Variants in GPD1 observed in about 807,000 individuals in gnomAD.
GPD1 encodes the protein glycerol-3-phosphate dehydrogenase [NAD(+)], cytoplasmic.
Under a neutral mutation model 34.4 loss-of-function variants are expected in GPD1, and 19 were observed. That is an observed-to-expected ratio of 0.55 (90% CI 0.39 to 0.81). The LOEUF (loss-of-function observed/expected upper bound fraction) is 0.81, where lower values mean the gene tolerates loss of function less well. Ranked by LOEUF, GPD1 falls within the 30% of genes least tolerant of loss-of-function variation. GPD1 has a pLI of 0.00. For missense variants in GPD1, 429 were observed against 447.0 expected (o/e 0.96, Z 0.36); for synonymous variants, 172 against 174.1 (o/e 0.99, Z 0.09).
In GPD1 at chr12:50,105,565, G is replaced by C; in HGVS notation, c.237G>C (p.Val79=). ...CCCCACAGGTGGCTGTCCCAGATGT[G>C]GTCCAGGCTGCAGAGGATGCTGACA... is the stretch of plus-strand genomic sequence containing the variant. ...LPPNVVAVPD[V]VQAAEDADIL... The change falls in exon 3 of 8, where the codon GTG becomes GTC. Residue 79 remains valine (V), a synonymous_variant. Transcript: ENST00000301149. The C allele has an allele frequency of 1.2e-6, 2 of 1,613,628 alleles. No individual in the cohort carries two copies. The highest frequency in any genetic ancestry group is 1.7e-6 in the Non-Finnish European group (2 of 1,179,696).
At chr12:50,106,492 A>G (rs1950979841) in intron 4 of GPD1, 66 bp downstream of exon 4, 4 of 1,408,050 alleles carry the variant, frequency 2.8e-6, no homozygotes, top group Middle Eastern at 1.8e-4. Context: ...AACTGCCCCA[A>G]CCCCACTTAG....
At position 50,108,046 on chromosome 12, in the gene GPD1, A is replaced by C. The variant is rs142879338; in HGVS notation, c.869A>C (p.Glu290Ala). 2.5e-6 allele frequency: 4 copies of C among 1,612,016 alleles called. No homozygotes were observed. The African/African-American group carries it at 5.3e-5, about 22-fold the overall frequency. The stretch of plus-strand genomic sequence containing the variant: ...CAGTCCATTGAGCAGCTGGAGAAAG[A>C]GTTGCTGAATGGGCAGAAACTGCAG... ...TGKSIEQLEK[E>A]LLNGQKLQGP... The change falls in exon 7 of 8, where the codon GAG becomes GCG. Residue 290 changes from glutamate to alanine, a missense_variant. Coordinates refer to ENST00000301149, the MANE Select transcript of GPD1 (RefSeq NM_005276.4).
At chr12:50,104,533 T>C (rs963471967) in intron 1 of GPD1, 41 bp from the exon 2 acceptor site, 5 of 1,536,436 alleles carry the variant, frequency 3.3e-6, no homozygotes, top group Non-Finnish European at 4.5e-6. Flanking sequence ...CCTGCCACTG[T>C]TCCCTCCTCC....
rs1306648823 is a variant in GPD1, at chr12:50,105,356, G to A, written c.220-192G>A. The A allele has an allele frequency of 2.0e-5, 12 of 609,896 alleles. No homozygotes were observed. In the African/African-American group the frequency reaches 2.0e-4, roughly 10 times the overall value. 37.8% of individuals were successfully genotyped at this position (609,896 alleles called of 1,614,324 possible). A position where few individuals can be genotyped will look rare whatever the true frequency, so the allele number is the denominator to read the frequency against. ...CAAGAGCCCAGGACAGCTGGAGGGAGACAGAGTGGTAGCTGGGGGGAGGGA... is the reference window on the plus strand; with the variant it reads ...CAAGAGCCCAGGACAGCTGGAGGGAAACAGAGTGGTAGCTGGGGGGAGGGA... On this transcript the variant is annotated intron_variant, in intron 2 of 7. Transcript: ENST00000301149.
intron 1 of GPD1, 120 bp from the exon 2 acceptor site, chr12:50,104,454 G>GT: frequency 2.5e-6 from 2 of 791,876 alleles, no homozygotes; most frequent in Non-Finnish European, 4.5e-6. Context: ...GAGGTGATAA[G>GT]GAAGGTAGGT....
chr12:50,104,421 G>A, intron 1 of GPD1, 153 bp from the exon 2 acceptor site: 1 of 728,930 alleles, frequency 1.4e-6, no homozygotes, highest in East Asian at 2.7e-5. Flanking sequence ...CCAGGTCACT[G>A]GGGACTATTT....
rs1461540151 is a variant in GPD1 at position 50,111,196 on chromosome 12, G to T, written c.*1677G>T. ...CTGCCTCCCCAGGAGGTTAAGGTGG[G>T]GGCAAAGGGGAAGCTTCAAGCACTT... On this transcript the variant is annotated 3_prime_UTR_variant, in exon 8 of 8. Coordinates refer to ENST00000301149, the MANE Select transcript of GPD1 (RefSeq NM_005276.4). This position sits in a 1 kb window ranked among gnomAD's most constrained non-coding sequence, Gnocchi z 4.1. The T allele has an allele frequency of 6.6e-6, 1 of 152,216 alleles. No homozygotes were observed. The highest frequency in any genetic ancestry group is 1.5e-5 in the Non-Finnish European group (1 of 68,112). 9.4% of individuals were successfully genotyped at this position (152,216 alleles called of 1,614,324 possible). A position where few individuals can be genotyped will look rare whatever the true frequency, so the allele number is the denominator to read the frequency against.
chr12:50,106,412 G>A lies in GPD1; in HGVS notation c.485G>A (p.Cys162Tyr), dbSNP rs1194802228. The change falls in exon 4 of 8, where the codon TGT (cysteine) becomes TAT (tyrosine). Residue 162 changes from cysteine (C) to tyrosine (Y), a missense_variant. Physicochemically the swap from Cys to Tyr is radical, Grantham distance 194. Transcript: ENST00000301149. ...AGCGAGGTGGCTGATGAGAAGTTCT[G>A]TGAGACAACCATTGGTGAGAGCCCC... ...IASEVADEKF[C>Y]ETTIGCKDPA... The A allele has an allele frequency of 7.4e-6, 12 of 1,613,800 alleles. No homozygotes were observed. Among genetic ancestry groups the A allele is most frequent in the Non-Finnish European group, 1.0e-5 (12 of 1,179,936 alleles).
chr12:50,107,480 C>A, intron 5 of GPD1, 87 bp from the exon 6 acceptor site: 1 of 1,015,708 alleles, frequency 9.8e-7, no homozygotes, highest in Non-Finnish European at 1.6e-6. Flanking sequence ...CAGTGGGTGT[C>A]ACGGCTGATG....
At chr12:50,104,179 C>T in intron 1 of GPD1, 88 bp downstream of exon 1, 2 of 1,238,520 alleles carry the variant, frequency 1.6e-6, no homozygotes, top group South Asian at 2.4e-5. Flanking sequence ...GAAAGGCCCT[C>T]AGGTTCCTGT....
In GPD1 at chr12:50,104,584, A is replaced by G. The variant is rs200445603; in HGVS notation, c.52A>G (p.Ile18Val). 4 of 1,613,422 alleles carry G rather than the reference A, an allele frequency of 2.5e-6. No homozygotes were observed. In the East Asian group the frequency reaches 6.7e-5, roughly 27 times the overall value. Residue 18 changes from isoleucine to valine, a missense_variant, in exon 2 of 8, where the codon ATC becomes GTC. By Grantham distance (29) the Ile-to-Val change is conservative. Transcript: ENST00000301149. The stretch of plus-strand genomic sequence containing the variant: ...TCCCCCTCCCACCAGGGGCTCAGCC[A>G]TCGCCAAGATCGTGGGTGGCAATGC... ...IVGSGNWGSA[I>V]AKIVGGNAAQ...
rs746467977 is a variant in GPD1 at position 50,106,362 on chromosome 12, T to C, written c.435T>C (p.Ser145=). The C allele has an allele frequency of 6.2e-7, 1 of 1,612,556 alleles. No homozygotes were observed. The highest frequency in any genetic ancestry group is 8.5e-7 in the Non-Finnish European group (1 of 1,178,946). The stretch of plus-strand genomic sequence containing the variant: ...GGGAGCGCCTCGGCATCCCCATGAG[T>C]GTGCTGATGGGGGCCAACATTGCCA... ...VIGERLGIPM[S]VLMGANIASE... Residue 145 remains serine (S), a synonymous_variant, in exon 4 of 8, where the codon AGT becomes AGC. Transcript: ENST00000301149.
intron 3 of GPD1, 27 bp downstream of exon 3, chr12:50,105,715 G>C: frequency 6.2e-7 from 1 of 1,612,324 alleles, no homozygotes; most frequent in Non-Finnish European, 8.5e-7. Context: ...CATGTGGATG[G>C]GGGAGGGTGC....
chr12:50,105,595 G>A lies in GPD1; in HGVS notation c.267G>A (p.Leu89=), dbSNP rs763657369. The change falls in exon 3 of 8, where the codon CTG becomes CTA. Residue 89 remains leucine, a synonymous_variant. Coordinates refer to ENST00000301149, the MANE Select transcript of GPD1 (RefSeq NM_005276.4). ...VVQAAEDADI[L]IFVVPHQFIG... is the part of the protein sequence containing the mutation. ...AGGCTGCAGAGGATGCTGACATCCT[G>A]ATCTTTGTGGTGCCCCATCAGTTCA... 1 of 1,614,132 alleles carries A rather than the reference G, an allele frequency of 6.2e-7. No individual in the cohort carries two copies. Among genetic ancestry groups the A allele is most frequent in the Non-Finnish European group, 8.5e-7 (1 of 1,179,976 alleles).
At position 50,109,739 on chromosome 12, in the gene GPD1, T is replaced by G. The variant is rs1951009078; in HGVS notation, c.*220T>G. The G allele has an allele frequency of 1.8e-6, 1 of 543,258 alleles. No homozygotes were observed. Among genetic ancestry groups the G allele is most frequent in the African/African-American group, 1.9e-5 (1 of 52,714 alleles). 33.7% of individuals were successfully genotyped at this position (543,258 alleles called of 1,614,324 possible). A position where few individuals can be genotyped will look rare whatever the true frequency, so the allele number is the denominator to read the frequency against. On this transcript the variant is annotated 3_prime_UTR_variant, in exon 8 of 8. Transcript: ENST00000301149. ...GCCACCACATTTGCCAGAAATGCAG[T>G]TGCCCTGTCCCTCTCCAGATGTGGG... is the stretch of plus-strand genomic sequence containing the variant.
Position 50,104,657 on chromosome 12 carries a change from AG to A in GPD1, c.127del (p.Glu43LysfsTer8). 6.2e-7 allele frequency: 1 copy of A among 1,613,764 alleles called. No individual in the cohort carries two copies. Among genetic ancestry groups the A allele is most frequent in the Non-Finnish European group, 8.5e-7 (1 of 1,179,650 alleles). ...FDPRVTMWVF[E>X]EDIGGKKLTE... Reference sequence around the variant, plus strand: ...CCACGGGTGACCATGTGGGTATTTGAGGAAGACATTGGAGGCAAAAAGCTGA... The same window carrying A: ...CCACGGGTGACCATGTGGGTATTTGAGAAGACATTGGAGGCAAAAAGCTGA... On this transcript the variant is annotated frameshift_variant, in exon 2 of 8. Transcript: ENST00000301149. LOFTEE classifies it high-confidence loss of function.
At chr12:50,104,525 TG>T (rs770484547) in intron 1 of GPD1, 48 bp from the exon 2 acceptor site, 2 of 1,469,068 alleles carry the variant, frequency 1.4e-6, no homozygotes, top group South Asian at 2.3e-5. Context: ...CCCCAACTCC[TG>T]CCACTGTTCC....
rs768345180 is a variant in GPD1 at position 50,107,752 on chromosome 12, T to C, written c.798T>C (p.Tyr266=). The part of the protein sequence containing the change: ...CGVADLITTC[Y]GGRNRKVAEA... ...TTGCTGACCTGATCACTACCTGCTA[T>C]GGAGGGCGGAACCGGAAAGTGGCTG... The change falls in exon 6 of 8, where the codon TAT becomes TAC. Residue 266 remains tyrosine, a synonymous_variant. Transcript: ENST00000301149. 6.2e-7 allele frequency: 1 copy of C among 1,614,102 alleles called. No individual in the cohort carries two copies. Among genetic ancestry groups the C allele is most frequent in the Admixed American group, 1.7e-5 (1 of 60,028 alleles).
Position 50,104,621 on chromosome 12 carries a change from C to A in GPD1, c.89C>A (p.Ala30Glu), listed in dbSNP as rs1324510987. Residue 30 changes from alanine to glutamate, a missense_variant, in exon 2 of 8, where the codon GCA (alanine) becomes GAA (glutamate). Physicochemically the swap from Ala to Glu is moderately radical, Grantham distance 107. Coordinates refer to ENST00000301149, the MANE Select transcript of GPD1 (RefSeq NM_005276.4). ...GTGGGTGGCAATGCAGCCCAGCTGG[C>A]ACAGTTTGACCCACGGGTGACCATG... is the stretch of plus-strand genomic sequence containing the variant. The part of the protein sequence containing the change: ...KIVGGNAAQL[A>E]QFDPRVTMWV... The A allele has an allele frequency of 1.9e-6, 3 of 1,613,658 alleles. No homozygotes were observed. In the East Asian group the frequency reaches 6.7e-5, roughly 36 times the overall value.
Sources: allele counts gnomAD v4.1 joint callset, GRCh38; gene constraint gnomAD v4.1.1; non-coding constraint Gnocchi (gnomAD v3.1); transcripts MANE v1.5; gene names NCBI Gene and HGNC (gene_info 2026-07-23, HGNC 2026-07-21).